DOCK1: variants seen among roughly 807,000 people sequenced by gnomAD.
DOCK1 encodes the protein dedicator of cytokinesis 1.
A neutral mutation model predicts 262.7 loss-of-function variants in DOCK1; 138 were observed. The observed-to-expected ratio is 0.53, with a 90% confidence interval of 0.46 to 0.61. The LOEUF is 0.61. DOCK1 is among the 20% of genes least tolerant of loss of function. The pLI is 0.00. For synonymous variants in DOCK1, 866 were observed against 867.4 expected (o/e 1.00, Z 0.03); for missense variants, 1,908 against 2,370.7 (o/e 0.80, Z 4.05).
intron 1 of DOCK1, among the ~76,000 whole-genome samples, chr10:126,932,763 C>T (rs1160123711): frequency 2.6e-5 from 4 of 152,112 alleles, no homozygotes; most frequent in African/African-American, 9.7e-5. Context: ...GCACAGGGCA[C>T]AGGCGACTGC....
At chr10:126,970,170 T>G (rs1272677884) in intron 1 of DOCK1, among the ~76,000 whole-genome samples, 1 of 152,156 alleles carries the variant, frequency 6.6e-6, no homozygotes, top group African/African-American at 2.4e-5. Flanking sequence ...ATGATCCTTT[T>G]GCAAAATAGG....
intron 43 of DOCK1, among the ~76,000 whole-genome samples, chr10:127,411,898 G>A (rs946549787): frequency 8.5e-5 from 13 of 152,262 alleles, no homozygotes; most frequent in African/African-American, 2.4e-4. Context: ...TGCAAACCAC[G>A]GCATTCGAGT....
In DOCK1 at chr10:127,034,797, T is replaced by C. The variant is rs570507801; in HGVS notation, c.1912+2477T>C. 2.6e-5 allele frequency among the ~76,000 whole-genome samples: 4 copies of C among 152,296 alleles called. No individual in the cohort carries two copies. The East Asian group carries it at 5.8e-4, about 22-fold the overall frequency. On this transcript the variant is annotated intron_variant, in intron 18 of 51. Transcript: ENST00000623213. ...GCTCATCTTTCCCCATTCAAAGCAA[T>C]GCTCTGAGCTGCGGTTAGGTGATGA...
intron 25 of DOCK1, among the ~76,000 whole-genome samples, chr10:127,119,075 G>A (rs7908697): frequency 0.16 from 23,205 of 148,048 alleles, 2,155 homozygotes; most frequent in African/African-American, 0.25. Context: ...ACGGAGTCTC[G>A]CTCTGTCACC....
intron 38 of DOCK1, among the ~76,000 whole-genome samples, chr10:127,390,634 C>A (rs1490667324): frequency 2.0e-5 from 3 of 152,054 alleles, no homozygotes; most frequent in African/African-American, 7.2e-5. Flanking sequence ...CAGAGGAAAC[C>A]AGCCCTGCAG....
chr10:127,125,619 G>A lies in DOCK1; in HGVS notation c.2751+18G>A, dbSNP rs2049901407. 1.2e-6 allele frequency: 2 copies of A among 1,604,534 alleles called. No homozygotes were observed. The highest frequency in any genetic ancestry group is 2.7e-5 in the African/African-American group (2 of 74,600). ...AGGACGTGGTGAGTGTTGGCTCTGT[G>A]CGTGACGTCCTGCCATTTGCCTGAA... is the stretch of plus-strand genomic sequence containing the variant. On this transcript the variant is annotated intron_variant, in intron 26 of 51. Transcript: ENST00000623213.
At chr10:127,079,657 G>A (rs1478876789) in intron 23 of DOCK1, among the ~76,000 whole-genome samples, 1 of 152,188 alleles carries the variant, frequency 6.6e-6, no homozygotes, top group Non-Finnish European at 1.5e-5. Flanking sequence ...CTGGCAGGGT[G>A]AGGTGGCTCA....
In DOCK1 at chr10:126,996,735, C is replaced by A. The variant is rs1554968752; in HGVS notation, c.474-13C>A. The A allele has an allele frequency of 2.5e-6, 4 of 1,600,320 alleles. No individual in the cohort carries two copies. In the South Asian group the frequency reaches 4.5e-5, roughly 18 times the overall value. ...TCTATGTCTGTGAACTTACTAAATT[C>A]TTGTTGTTCTAGAATTCTAGATTTG... On this transcript the variant is annotated splice_polypyrimidine_tract_variant and intron_variant, in intron 6 of 51. Coordinates refer to ENST00000623213, the MANE Select transcript of DOCK1 (RefSeq NM_001290223.2).
At chr10:127,314,505 A>AT (rs1434928021) in intron 29 of DOCK1, among the ~76,000 whole-genome samples, 1 of 152,200 alleles carries the variant, frequency 6.6e-6, no homozygotes, top group African/African-American at 2.4e-5. Context: ...ACTGTGAGTT[A>AT]TTTTGAATGC....
intron 6 of DOCK1, among the ~76,000 whole-genome samples, chr10:126,992,982 G>A (rs2039920458): frequency 6.6e-6 from 1 of 152,224 alleles, no homozygotes; most frequent in African/African-American, 2.4e-5. Flanking sequence ...TGCGTAGAAG[G>A]GTTGACTGCA....
chr10:126,952,024 A>G (rs1390723758), intron 1 of DOCK1, among the ~76,000 whole-genome samples: 1 of 151,838 alleles, frequency 6.6e-6, no homozygotes, highest in Non-Finnish European at 1.5e-5. Flanking sequence ...TAATTTTTGT[A>G]TTCTTAGTAG....
intron 27 of DOCK1, among the ~76,000 whole-genome samples, chr10:127,143,288 G>A (rs1466342606): frequency 1.3e-5 from 2 of 152,142 alleles, no homozygotes; most frequent in African/African-American, 4.8e-5. Flanking sequence ...TTTGTCTTTG[G>A]GGTCTCTAGC....
intron 1 of DOCK1, among the ~76,000 whole-genome samples, chr10:126,948,952 C>G (rs1025088788): frequency 2.0e-5 from 3 of 152,130 alleles, no homozygotes; most frequent in African/African-American, 2.4e-5. Flanking sequence ...GCAAGCTGGG[C>G]TTTCAGAATC....
intron 21 of DOCK1, among the ~76,000 whole-genome samples, chr10:127,048,059 G>A (rs1207972717): frequency 5.9e-5 from 9 of 152,196 alleles, no homozygotes; most frequent in African/African-American, 1.9e-4. Context: ...TAAAGGATAC[G>A]TGTATAGTTT....
chr10:127,308,595 C>A (rs1339242000), intron 29 of DOCK1, among the ~76,000 whole-genome samples: 2 of 152,150 alleles, frequency 1.3e-5, no homozygotes, highest in African/African-American at 4.8e-5. Flanking sequence ...TGCTGCCAAC[C>A]CCCTGACAGG....
chr10:127,438,431 A>G (rs535832237), intron 48 of DOCK1, among the ~76,000 whole-genome samples: 1 of 152,324 alleles, frequency 6.6e-6, no homozygotes, highest in East Asian at 1.9e-4. Context: ...GAGGACATCA[A>G]GAGTCACCCA....
At chr10:127,442,609 G>T (rs1565095904) in intron 49 of DOCK1, among the ~76,000 whole-genome samples, 2 of 152,072 alleles carry the variant, frequency 1.3e-5, no homozygotes, top group Non-Finnish European at 2.9e-5. Flanking sequence ...AGATGAGCAG[G>T]AAAAAATGCA....
At chr10:127,049,968 CT>C (rs71941085) in intron 21 of DOCK1, among the ~76,000 whole-genome samples, 19,217 of 99,580 alleles carry the variant, frequency 0.19, 1,509 homozygotes, top group East Asian at 0.23. Context: ...AAACTGGCCT[CT>C]TTTTTTTTTT....
intron 27 of DOCK1, among the ~76,000 whole-genome samples, chr10:127,146,586 ATCCAGGGAT>A (rs1261009306): frequency 5.3e-5 from 8 of 152,178 alleles, no homozygotes. Flanking sequence ...GTAAGGTGTT[ATCCAGGGAT>A]TCCTTTCTCT....
Sources: gnomAD v4.1 joint callset for allele counts (sites outside exome capture counted in the v4.1 genomes callset) on GRCh38, gnomAD v4.1.1 for gene constraint, MANE v1.5 for transcripts, NCBI Gene and HGNC (gene_info 2026-07-23, HGNC 2026-07-21) for gene names.